CRY1: variants seen among roughly 807,000 people sequenced by gnomAD.
The protein encoded by CRY1 is cryptochrome-1.
CRY1 carries 45 observed loss-of-function variants against 76.0 expected under a neutral mutation model. The observed-to-expected ratio is 0.59, with a 90% confidence interval of 0.47 to 0.76. The LOEUF is 0.76. Among genes scored for constraint, CRY1 ranks in the 30% least tolerant of loss-of-function variants. The probability of loss-of-function intolerance (pLI) is 0.00; values close to 1 mark genes in which losing one functional copy is unlikely to be tolerated. For synonymous variants in CRY1, 248 were observed against 244.0 expected (o/e 1.02, Z -0.15); for missense variants, 587 against 716.4 (o/e 0.82, Z 2.06).
At chr12:107,052,411 A>G (rs1337768452) in intron 1 of CRY1, among the ~76,000 whole-genome samples, 1 of 152,198 alleles carries the variant, frequency 6.6e-6, no homozygotes, top group Non-Finnish European at 1.5e-5. Flanking sequence ...ACTGTACTAG[A>G]TATTAGAAAC....
chr12:107,032,010 C>G (rs1235215738), intron 1 of CRY1, among the ~76,000 whole-genome samples: 1 of 152,240 alleles, frequency 6.6e-6, no homozygotes. Context: ...TCTTGGCTCA[C>G]TGCAACCTCC....
At chr12:107,039,134 T>A (rs1952768994) in intron 1 of CRY1, among the ~76,000 whole-genome samples, 1 of 151,822 alleles carries the variant, frequency 6.6e-6, no homozygotes, top group Non-Finnish European at 1.5e-5. Context: ...TCAAAAAAAA[T>A]AAAATAAATA....
intron 2 of CRY1, among the ~76,000 whole-genome samples, chr12:107,011,495 TA>T (rs947802313): frequency 1.3e-5 from 2 of 150,956 alleles, no homozygotes; most frequent in South Asian, 2.1e-4. Flanking sequence ...ACATGAATCA[TA>T]AAAAAAAACA....
rs1952271398 is a variant in CRY1 at position 106,999,131 on chromosome 12, A to G, written c.1137+420T>C. On this transcript the variant is annotated intron_variant, in intron 7 of 12. Coordinates refer to ENST00000008527, the MANE Select transcript of CRY1 (RefSeq NM_004075.5). ...CAAAATGTAGTATGCTTCTCTTTAC[A>G]TAATAGAAGTATTACTAAAAAGCTG... Among the ~76,000 whole-genome samples the G allele has an allele frequency of 1.3e-5, 2 of 152,038 alleles. 1 individual carries two copies. The highest frequency in any genetic ancestry group is 4.8e-5 in the African/African-American group (2 of 41,380).
intron 8 of CRY1, 88 bp downstream of exon 8, chr12:106,997,827 G>A (rs1952250746): frequency 4.5e-6 from 7 of 1,547,996 alleles, no homozygotes; most frequent in Non-Finnish European, 5.3e-6. Flanking sequence ...CCCATCATGA[G>A]TGGGGAATAC....
intron 1 of CRY1, among the ~76,000 whole-genome samples, chr12:107,063,787 A>G (rs1953077846): frequency 6.6e-6 from 1 of 152,036 alleles, no homozygotes; most frequent in South Asian, 2.1e-4. Flanking sequence ...TAGTAGATAC[A>G]GGGTTTTGCC....
At chr12:107,020,525 GT>G (rs11368690) in intron 2 of CRY1, among the ~76,000 whole-genome samples, 83,895 of 148,318 alleles carry the variant, frequency 0.57, 23,650 homozygotes, top group East Asian at 0.74. Context: ...TGCAAGATCT[GT>G]TTTTTTTTTT....
intron 1 of CRY1, among the ~76,000 whole-genome samples, chr12:107,087,044 GA>G (rs1270204789): frequency 2.0e-5 from 3 of 151,974 alleles, no homozygotes; most frequent in Non-Finnish European, 2.9e-5. Context: ...AAAGAGAAAA[GA>G]AAAAAAGAAA....
intron 3 of CRY1, among the ~76,000 whole-genome samples, chr12:107,004,321 T>C (rs990175334): frequency 2.0e-5 from 3 of 152,212 alleles, no homozygotes; most frequent in African/African-American, 7.2e-5. Context: ...TGAAATCAAA[T>C]CAACTAGTTT....
chr12:107,005,370 A>C, intron 2 of CRY1, 122 bp from the exon 3 acceptor site: 1 of 1,005,500 alleles, frequency 9.9e-7, no homozygotes, highest in Non-Finnish European at 1.4e-6. Flanking sequence ...CAAACTTTGA[A>C]TATGCAGGAA....
chr12:107,004,468 TAA>T (rs1322268563), intron 3 of CRY1, among the ~76,000 whole-genome samples: 2 of 152,192 alleles, frequency 1.3e-5, no homozygotes, highest in Non-Finnish European at 2.9e-5. Context: ...TTTAAAAAGT[TAA>T]GTTTTACAGA....
chr12:107,009,565 TATATATA>T (rs1952418510), intron 2 of CRY1, among the ~76,000 whole-genome samples: 1 of 99,040 alleles, frequency 1.0e-5, no homozygotes, highest in Middle Eastern at 4.2e-3. Flanking sequence ...CAAAAAAACA[TATATATA>T]TATATATATA....
rs780697351 is a variant in CRY1, at chr12:106,997,921, T to C, written c.1283A>G (p.Tyr428Cys). The change falls in exon 8 of 13, where the codon TAT (tyrosine) becomes TGT (cysteine). Residue 428 changes from tyrosine to cysteine, a missense_variant. Tyr to Cys is a radical substitution (Grantham distance 194, BLOSUM62 -2). Coordinates refer to ENST00000008527, the MANE Select transcript of CRY1 (RefSeq NM_004075.5). ...GTAATCACCCTTGATTTACCTGATA[T>C]AGTCTCCATTGGGATCTGTTCTCCT... ...FGRRTDPNGD[Y>C]IRRYLPVLRG... 1.9e-6 allele frequency: 3 copies of C among 1,613,674 alleles called. No individual in the cohort carries two copies. Among genetic ancestry groups the C allele is most frequent in the Middle Eastern group, 1.7e-4 (1 of 6,058 alleles).
At chr12:107,035,682 A>G (rs1280378104) in intron 1 of CRY1, among the ~76,000 whole-genome samples, 4 of 152,224 alleles carry the variant, frequency 2.6e-5, no homozygotes, top group African/African-American at 9.6e-5. Flanking sequence ...TCCTTGAACC[A>G]TACAGTATTT....
intron 1 of CRY1, among the ~76,000 whole-genome samples, chr12:107,081,811 C>T (rs1199078749): frequency 6.6e-6 from 1 of 151,956 alleles, no homozygotes; most frequent in Non-Finnish European, 1.5e-5. Flanking sequence ...GTTATTTGGT[C>T]ATATGCATTG....
intron 1 of CRY1, among the ~76,000 whole-genome samples, chr12:107,061,844 C>G (rs1477893878): frequency 6.6e-6 from 1 of 151,896 alleles, no homozygotes; most frequent in African/African-American, 2.4e-5. Context: ...AGGAGTTAAA[C>G]TTCACCATCA....
At chr12:107,071,438 A>G (rs1236195504) in intron 1 of CRY1, among the ~76,000 whole-genome samples, 1 of 152,224 alleles carries the variant, frequency 6.6e-6, no homozygotes, top group South Asian at 2.1e-4. Flanking sequence ...AATGTAGGAT[A>G]TACATTTAAA....
chr12:106,991,390 C>A lies in CRY1; in HGVS notation c.*612G>T, dbSNP rs996797334. ...TTCATATTTGCATATACTTTAATAA[C>A]AAGTTCATTTTAGTAATAAATGAAC... On this transcript the variant is annotated 3_prime_UTR_variant, in exon 13 of 13. Coordinates refer to ENST00000008527, the MANE Select transcript of CRY1 (RefSeq NM_004075.5). 1 of 152,320 alleles carries A rather than the reference C, an allele frequency of 6.6e-6. No homozygotes were observed. Among genetic ancestry groups the A allele is most frequent in the Admixed American group, 6.5e-5 (1 of 15,268 alleles). The allele number at this position is 152,320 out of a possible 1,614,324, so 9.4% of individuals were successfully genotyped here. A position where few individuals can be genotyped will look rare whatever the true frequency, so the allele number is the denominator to read the frequency against.
intron 2 of CRY1, among the ~76,000 whole-genome samples, chr12:107,006,204 G>A (rs1291052682): frequency 1.3e-5 from 2 of 151,952 alleles, no homozygotes; most frequent in Non-Finnish European, 2.9e-5. Context: ...TGGCCAGCAT[G>A]GTGAAACCCC....
Sources: allele counts gnomAD v4.1 joint callset (sites outside exome capture counted in the v4.1 genomes callset), GRCh38; gene constraint gnomAD v4.1.1; transcripts MANE v1.5; gene names NCBI Gene and HGNC (gene_info 2026-07-23, HGNC 2026-07-21).